The following DCN variants were observed in gnomAD, a reference collection of about 807,000 sequenced individuals.
DCN encodes bone proteoglycan II.
Under a neutral mutation model 36.5 loss-of-function variants are expected in DCN, and 17 were observed. That is an observed-to-expected ratio of 0.47 (90% CI 0.32 to 0.70). The LOEUF (loss-of-function observed/expected upper bound fraction) is 0.70, where lower values mean the gene tolerates loss of function less well. Among genes scored for constraint, DCN ranks in the 30% least tolerant of loss-of-function variants. The pLI, the probability that DCN is intolerant of heterozygous loss-of-function variation, is 0.04. For missense variants in DCN, 389 were observed against 430.1 expected (o/e 0.90, Z 0.84); for synonymous variants, 163 against 161.4 (o/e 1.01, Z -0.07).
intron 5 of DCN, among the ~76,000 whole-genome samples, chr12:91,153,721 A>G (rs1881585411): frequency 6.6e-6 from 1 of 152,100 alleles, no homozygotes; most frequent in South Asian, 2.1e-4. Context: ...CCTCTGCAAA[A>G]TGTCTGTGTA....
At chr12:91,173,369 G>A (rs1295912644) in intron 2 of DCN, among the ~76,000 whole-genome samples, 1 of 152,092 alleles carries the variant, frequency 6.6e-6, no homozygotes, top group Non-Finnish European at 1.5e-5. Flanking sequence ...AGGAAACAAG[G>A]GCTATGTTAG....
chr12:91,181,122 T>C (rs1184242248), intron 1 of DCN: 3 of 151,182 alleles, frequency 2.0e-5, no homozygotes, highest in Non-Finnish European at 4.4e-5. Context: ...TTTATTTCAT[T>C]TTCATTTGCT....
chr12:91,165,282 G>A (rs1271795357), intron 2 of DCN, among the ~76,000 whole-genome samples: 1 of 152,108 alleles, frequency 6.6e-6, no homozygotes, highest in Non-Finnish European at 1.5e-5. Flanking sequence ...TCATTGGAAT[G>A]CCAAAACAAT....
rs145824921 is a variant in DCN, at chr12:91,174,051, T to A, written c.211+4291A>T. Among the ~76,000 whole-genome samples the A allele has an allele frequency of 1.6e-4, 25 of 152,364 alleles. No homozygotes were observed. The East Asian group carries it at 3.9e-3, about 23-fold the overall frequency. On this transcript the variant is annotated intron_variant, in intron 2 of 7. Coordinates refer to ENST00000052754, the MANE Select transcript of DCN (RefSeq NM_001920.5). ...TGCTTCTATATGGCAAAATTAAATG[T>A]GTTTCATCTTCTGGCACCATTTCTA... is the stretch of plus-strand genomic sequence containing the variant.
intron 2 of DCN, among the ~76,000 whole-genome samples, chr12:91,165,266 T>C (rs1376138128): frequency 1.3e-5 from 2 of 152,200 alleles, no homozygotes; most frequent in Non-Finnish European, 2.9e-5. Flanking sequence ...ACGGTTCTTT[T>C]AGTTTTCATT....
rs1014352244 is a variant in DCN, at chr12:91,145,913, G to A, written c.*145C>T. On this transcript the variant is annotated 3_prime_UTR_variant, in exon 8 of 8. Coordinates refer to ENST00000052754, the MANE Select transcript of DCN (RefSeq NM_001920.5). ...TTTATTGTAGGCAATTACTTAAACTGGAAATTTGGCTTTATGCATAATAAG... is the reference window on the plus strand; with the variant it reads ...TTTATTGTAGGCAATTACTTAAACTAGAAATTTGGCTTTATGCATAATAAG... 15 of 685,608 alleles carry A rather than the reference G, an allele frequency of 2.2e-5. No homozygotes were observed. The highest frequency in any genetic ancestry group is 1.6e-4 in the African/African-American group (9 of 55,216). The allele number at this position is 685,608 out of a possible 1,614,324, so 42.5% of individuals were successfully genotyped here.
chr12:91,176,138 T>C (rs1883274241), intron 2 of DCN: 1 of 152,112 alleles, frequency 6.6e-6, no homozygotes, highest in South Asian at 2.1e-4. Flanking sequence ...CTTTAAGAAA[T>C]GTATTTTCTT....
Position 91,143,792 on chromosome 12 carries a change from A to ATATATATG in DCN, c.*2258_*2265dup, listed in dbSNP as rs1491097665. On this transcript the variant is annotated 3_prime_UTR_variant, in exon 8 of 8. Coordinates refer to ENST00000052754, the MANE Select transcript of DCN (RefSeq NM_001920.5). ...TTTATTTCAAAGGAAATAAAGATACATATATATGTATATATGCAAAAAGAT... is the reference window on the plus strand; with the variant it reads ...TTTATTTCAAAGGAAATAAAGATACATATATATGTATATATGTATATATGCAAAAAGAT... The ATATATATG allele has an allele frequency of 6.7e-6, 1 of 149,018 alleles. No individual in the cohort carries two copies. Among genetic ancestry groups the ATATATATG allele is most frequent in the African/African-American group, 2.4e-5 (1 of 40,888 alleles). The allele number at this position is 149,018 out of a possible 1,614,324, so 9.2% of individuals were successfully genotyped here.
At chr12:91,178,311 G>A in intron 2 of DCN, 31 bp downstream of exon 2, 1 of 1,570,260 alleles carries the variant, frequency 6.4e-7, no homozygotes, top group Non-Finnish European at 8.8e-7. Flanking sequence ...AAACAAGTAA[G>A]GTAGGTAAAG....
rs1455456768 is a variant in DCN at position 91,164,729 on chromosome 12, G to A, written c.212-12C>T. On this transcript the variant is annotated splice_polypyrimidine_tract_variant and intron_variant, in intron 2 of 7. Transcript: ENST00000052754. ...CACTTTGTCCAGACCTAGCATAAGA[G>A]TAATAGGAGTGTGCTGTGAGTAGAA... 3 of 1,351,228 alleles carry A rather than the reference G, an allele frequency of 2.2e-6. No homozygotes were observed. Among genetic ancestry groups the A allele is most frequent in the Non-Finnish European group, 3.2e-6 (3 of 940,220 alleles). The allele number at this position is 1,351,228 out of a possible 1,614,324, so 83.7% of individuals were successfully genotyped here. A position where few individuals can be genotyped will look rare whatever the true frequency, so the allele number is the denominator to read the frequency against.
chr12:91,155,522 G>C (rs570290372), intron 5 of DCN, among the ~76,000 whole-genome samples: 29 of 152,248 alleles, frequency 1.9e-4, no homozygotes, highest in Admixed American at 7.2e-4. Context: ...GGATATTTTG[G>C]AGCATGCATT....
At position 91,143,632 on chromosome 12, in the gene DCN, A is replaced by G. The variant is rs1880841078; in HGVS notation, c.*2426T>C. ...TTCTACACTCGCTAACTGAATTCAC[A>G]CACCAATCCATAAGACATGTACAAT... is the stretch of plus-strand genomic sequence containing the variant. On this transcript the variant is annotated 3_prime_UTR_variant, in exon 8 of 8. Coordinates refer to ENST00000052754, the MANE Select transcript of DCN (RefSeq NM_001920.5). 2 of 152,070 alleles carry G rather than the reference A, an allele frequency of 1.3e-5. No homozygotes were observed. The highest frequency in any genetic ancestry group is 4.1e-4 in the South Asian group (2 of 4,824). 9.4% of individuals were successfully genotyped at this position (152,070 alleles called of 1,614,324 possible).
intron 2 of DCN, chr12:91,169,609 G>A (rs1882816204): frequency 6.6e-6 from 1 of 151,890 alleles, no homozygotes. Context: ...GAAAAATAAC[G>A]GCATTAGTTG....
intron 1 of DCN, among the ~76,000 whole-genome samples, chr12:91,181,166 ATG>A (rs1265837334): frequency 2.6e-5 from 4 of 151,014 alleles, no homozygotes; most frequent in Non-Finnish European, 5.9e-5. Flanking sequence ...GAGAGAATGT[ATG>A]TGTGTGTGTT....
rs1219289274 is a variant in DCN at position 91,145,774 on chromosome 12, T to C, written c.*284A>G. 11 of 452,264 alleles carry C rather than the reference T, an allele frequency of 2.4e-5. No homozygotes were observed. The Admixed American group carries it at 3.7e-4, about 15-fold the overall frequency. 28.0% of individuals were successfully genotyped at this position (452,264 alleles called of 1,614,324 possible). On this transcript the variant is annotated 3_prime_UTR_variant, in exon 8 of 8. Transcript: ENST00000052754. ...AGAAAAGCTTTACTAAATATTGACA[T>C]ATATATTTACTCCAAATTTTACATT...
In DCN at chr12:91,146,248, A is replaced by G. The variant is rs1277231412; in HGVS notation, c.890T>C (p.Val297Ala). The G allele has an allele frequency of 6.3e-7, 1 of 1,585,238 alleles. No homozygotes were observed. Residue 297 changes from valine to alanine, a missense_variant, in exon 8 of 8, where the codon GTC (valine) becomes GCC (alanine). By Grantham distance (64) the Val-to-Ala change is moderately conservative. Transcript: ENST00000052754. ...AGAGATATTGTTGTTATGAAGGTAG[A>G]CAACCTACAACATGAAACGATAGAA... ...GLAEHKYIQV[V>A]YLHNNNISVV...
chr12:91,159,920 G>C (rs1437462111), intron 3 of DCN, among the ~76,000 whole-genome samples: 2 of 152,004 alleles, frequency 1.3e-5, no homozygotes, highest in Admixed American at 6.6e-5. Context: ...GGCAAAAGGG[G>C]ACCTATAATA....
chr12:91,171,143 T>A (rs963238754), intron 2 of DCN, among the ~76,000 whole-genome samples: 1 of 152,164 alleles, frequency 6.6e-6, no homozygotes, highest in Non-Finnish European at 1.5e-5. Context: ...GTCATTAAGG[T>A]ACGACTTAAT....
At chr12:91,158,807 C>T (rs978151254) in intron 3 of DCN, among the ~76,000 whole-genome samples, 18 of 152,038 alleles carry the variant, frequency 1.2e-4, no homozygotes, top group Non-Finnish European at 1.9e-4. Context: ...ATCAAAAATA[C>T]AAAAATTAGC....
Sources: allele counts gnomAD v4.1 joint callset (sites outside exome capture counted in the v4.1 genomes callset), GRCh38; gene constraint gnomAD v4.1.1; transcripts MANE v1.5; gene names NCBI Gene and HGNC (gene_info 2026-07-23, HGNC 2026-07-21).